HS2ST1: variants seen among roughly 807,000 people sequenced by gnomAD.
HS2ST1 encodes the protein 2-O-sulfotransferase.
HS2ST1 carries 18 observed loss-of-function variants against 42.9 expected under a neutral mutation model. The observed-to-expected ratio is 0.42, with a 90% CI of 0.29 to 0.62. HS2ST1 has a LOEUF of 0.62. Ranked by LOEUF, HS2ST1 falls within the 20% of genes least tolerant of loss-of-function variation. The pLI, the probability that HS2ST1 is intolerant of heterozygous loss-of-function variation, is 0.21. For missense variants in HS2ST1, 334 were observed against 433.8 expected (o/e 0.77, Z 2.04); for synonymous variants, 146 against 152.9 (o/e 0.95, Z 0.33).
chr1:86,940,775 G>C (rs369971906), intron 1 of HS2ST1, among the ~76,000 whole-genome samples: 1 of 151,858 alleles, frequency 6.6e-6, no homozygotes, highest in Admixed American at 6.6e-5. Flanking sequence ...CAGTAGGATT[G>C]CTTAGGCAAG....
intron 1 of HS2ST1, among the ~76,000 whole-genome samples, chr1:86,968,705 T>C (rs891485232): frequency 1.3e-5 from 2 of 152,118 alleles, no homozygotes; most frequent in Non-Finnish European, 2.9e-5. Context: ...ACACCCAGCC[T>C]CCAGTCCTCA....
At chr1:86,929,718 A>G (rs1405573262) in intron 1 of HS2ST1, among the ~76,000 whole-genome samples, 1 of 151,848 alleles carries the variant, frequency 6.6e-6, no homozygotes, top group African/African-American at 2.4e-5. Context: ...AAATTAATGA[A>G]AGAAGAAAGA....
intron 1 of HS2ST1, among the ~76,000 whole-genome samples, chr1:86,999,453 C>T (rs1459480664): frequency 6.6e-6 from 1 of 152,184 alleles, no homozygotes; most frequent in African/African-American, 2.4e-5. Flanking sequence ...GCTGGGATTA[C>T]AGGCGTGAGC....
intron 5 of HS2ST1, among the ~76,000 whole-genome samples, chr1:87,102,117 G>A (rs1389173621): frequency 6.6e-6 from 1 of 152,044 alleles, no homozygotes; most frequent in Non-Finnish European, 1.5e-5. Flanking sequence ...GAGTGCAATG[G>A]TGTGATCTCG....
At chr1:87,086,626 G>A (rs1651823350) in intron 3 of HS2ST1, among the ~76,000 whole-genome samples, 1 of 151,966 alleles carries the variant, frequency 6.6e-6, no homozygotes, top group Non-Finnish European at 1.5e-5. Flanking sequence ...CTCCTTTCTA[G>A]TTTAGCCCGA....
intron 1 of HS2ST1, among the ~76,000 whole-genome samples, chr1:86,958,773 A>G (rs1281192289): frequency 6.6e-6 from 1 of 152,218 alleles, no homozygotes; most frequent in East Asian, 1.9e-4. Flanking sequence ...ACCGAAGACC[A>G]TACAAGAAAG....
chr1:87,095,603 G>T (rs1652041945), intron 4 of HS2ST1, among the ~76,000 whole-genome samples: 1 of 152,076 alleles, frequency 6.6e-6, no homozygotes, highest in Non-Finnish European at 1.5e-5. Context: ...GGAAAATAGG[G>T]ATATTAAGTA....
rs148905997 is a variant in HS2ST1 at position 87,020,139 on chromosome 1, T to C, written c.125-52795T>C. Among the ~76,000 whole-genome samples, 1,405 of 152,332 alleles carry C rather than the reference T, an allele frequency of 9.2e-3. 19 individuals carry two copies. The highest frequency in any genetic ancestry group is 0.033 in the African/African-American group (1,359 of 41,562). On this transcript the variant is annotated intron_variant, in intron 1 of 6. Transcript: ENST00000370550. Reference sequence around the variant, plus strand: ...ACAGTAAAATTTTTGCTAAATTATATTTTGAGAGTATTAACATTTACTAAA... The same window carrying C: ...ACAGTAAAATTTTTGCTAAATTATACTTTGAGAGTATTAACATTTACTAAA...
intron 1 of HS2ST1, among the ~76,000 whole-genome samples, chr1:86,940,278 G>T (rs1448480490): frequency 6.6e-6 from 1 of 152,178 alleles, no homozygotes; most frequent in African/African-American, 2.4e-5. Flanking sequence ...GGAGACTGAG[G>T]TGAGAAGATA....
chr1:87,083,131 C>T (rs1054872579), intron 2 of HS2ST1, among the ~76,000 whole-genome samples: 2 of 152,206 alleles, frequency 1.3e-5, no homozygotes, highest in African/African-American at 4.8e-5. Flanking sequence ...CCCTCCCTCA[C>T]CTACCAATAG....
intron 5 of HS2ST1, among the ~76,000 whole-genome samples, chr1:87,100,108 T>C (rs1652163888): frequency 6.6e-6 from 1 of 152,204 alleles, no homozygotes; most frequent in African/African-American, 2.4e-5. Flanking sequence ...TTCTGGGGTC[T>C]GGAGGGCATA....
chr1:86,962,905 A>G (rs1570449047), intron 1 of HS2ST1, among the ~76,000 whole-genome samples: 1 of 152,344 alleles, frequency 6.6e-6, no homozygotes, highest in East Asian at 1.9e-4. Context: ...CCATAAGTGA[A>G]AATAATTGAT....
chr1:87,076,916 C>G (rs1017049319), intron 2 of HS2ST1, among the ~76,000 whole-genome samples: 2 of 152,158 alleles, frequency 1.3e-5, no homozygotes, highest in Admixed American at 1.3e-4. Context: ...GAAATTCACT[C>G]TCAAGCCAAC....
chr1:86,958,371 A>G (rs1469743086), intron 1 of HS2ST1: 1 of 152,234 alleles, frequency 6.6e-6, no homozygotes, highest in African/African-American at 2.4e-5. Context: ...TAGAAAATGT[A>G]TTCCTGTTTA....
intron 3 of HS2ST1, 140 bp from the exon 4 acceptor site, chr1:87,092,390 CA>C: frequency 8.8e-6 from 2 of 226,964 alleles, no homozygotes; most frequent in Non-Finnish European, 1.3e-5. Flanking sequence ...TCGCCACATA[CA>C]CATACACAAA....
In HS2ST1 at chr1:86,945,588, T is replaced by C. The variant is rs192432096; in HGVS notation, c.124+30428T>C. On this transcript the variant is annotated intron_variant, in intron 1 of 6. Transcript: ENST00000370550. ...CTTTAATTAATCTGCTTTGCAGTGA[T>C]CTCTAGATTCTATTCAAGAAGAAAT... Among the ~76,000 whole-genome samples, 87 of 152,242 alleles carry C rather than the reference T, an allele frequency of 5.7e-4. 1 individual carries two copies. The East Asian group carries it at 0.014, about 24-fold the overall frequency.
At chr1:87,102,831 T>G (rs1343055383) in intron 5 of HS2ST1, among the ~76,000 whole-genome samples, 1 of 152,208 alleles carries the variant, frequency 6.6e-6, no homozygotes, top group Non-Finnish European at 1.5e-5. Context: ...GCTACTTAAA[T>G]GCAGAGCTAG....
intron 4 of HS2ST1, among the ~76,000 whole-genome samples, chr1:87,094,114 T>A (rs950822684): frequency 1.3e-5 from 2 of 152,026 alleles, no homozygotes; most frequent in African/African-American, 2.4e-5. Context: ...CTTGTGCGCT[T>A]TCTTTTTATT....
At chr1:87,041,555 C>G in intron 1 of HS2ST1, among the ~76,000 whole-genome samples, 1 of 152,174 alleles carries the variant, frequency 6.6e-6, no homozygotes, top group East Asian at 1.9e-4. Context: ...GGAACTTCAT[C>G]TTGCATAACT....
Sources: allele counts gnomAD v4.1 joint callset (sites outside exome capture counted in the v4.1 genomes callset), GRCh38; gene constraint gnomAD v4.1.1; transcripts MANE v1.5; gene names NCBI Gene and HGNC (gene_info 2026-07-23, HGNC 2026-07-21).